The following TASOR variants were observed in gnomAD, a reference collection of about 807,000 sequenced individuals.
TASOR encodes protein TASOR.
TASOR carries 53 observed loss-of-function variants against 178.6 expected under a neutral mutation model. That is an observed-to-expected ratio of 0.30 (90% CI 0.24 to 0.37). The LOEUF (loss-of-function observed/expected upper bound fraction) is 0.37. TASOR is among the 10% of genes least tolerant of loss of function. The pLI is 1.00. For synonymous variants in TASOR, 713 were observed against 696.2 expected, an observed-to-expected ratio of 1.02 and a Z score of -0.38; for missense variants, 1,815 against 1,971.4, an observed-to-expected ratio of 0.92 and a Z score of 1.50.
Position 56,623,451 on chromosome 3 carries a change from G to C in TASOR, c.4599C>G (p.Thr1533=). 6.2e-7 allele frequency: 1 copy of C among 1,613,348 alleles called. No individual in the cohort carries two copies. The highest frequency in any genetic ancestry group is 1.1e-5 in the South Asian group (1 of 91,046). The change falls in exon 24 of 24, where the codon ACC becomes ACG. Residue 1533 remains threonine, a synonymous_variant. Transcript: ENST00000683822. ...TTTGATCTGTTCCACGTGATCCTTT[G>C]GTCTCTTTCTCCCATATTTCTGAAT... ...NFHSEIWEKE[T]KGSRGTDQKK...
In TASOR at chr3:56,620,294, T is replaced by C. The variant is rs6556; in HGVS notation, c.*2743A>G. On this transcript the variant is annotated 3_prime_UTR_variant, in exon 24 of 24. Coordinates refer to ENST00000683822, the MANE Select transcript of TASOR (RefSeq NM_001365635.2). ...CGTGTTGGCAGTGTTTGTTAGAACA[T>C]TGACGTACATCCCAAATAGTAATAA... 0.21 allele frequency: 32,778 copies of C among 156,880 alleles called. 4,486 individuals are homozygous for C. Among genetic ancestry groups the C allele is most frequent in the South Asian group, 0.39 (2,050 of 5,238 alleles). The allele number at this position is 156,880 out of a possible 1,614,324, so 9.7% of individuals were successfully genotyped here.
chr3:56,638,222 G>T (rs932496368), intron 17 of TASOR, among the ~76,000 whole-genome samples: 3 of 151,814 alleles, frequency 2.0e-5, no homozygotes, highest in Non-Finnish European at 4.4e-5. Context: ...AAAATAAGCT[G>T]GGCATGGTGG....
Position 56,647,026 on chromosome 3 carries a change from G to T in TASOR, c.1711C>A (p.Arg571=). 6.2e-7 allele frequency: 1 copy of T among 1,602,926 alleles called. No homozygotes were observed. The highest frequency in any genetic ancestry group is 1.1e-5 in the South Asian group (1 of 88,108). The part of the protein sequence containing the change: ...FFKRGFGSGK[R]EFIMFPYDSR... ...TCATATGGAAACATAATAAACTCTC[G>T]TTTACCTGAACCAAAACCTCGCTTA... The change falls in exon 14 of 24, where the codon CGA becomes AGA. Residue 571 remains arginine, a synonymous_variant. Coordinates refer to ENST00000683822, the MANE Select transcript of TASOR (RefSeq NM_001365635.2).
chr3:56,654,403 T>TGGGGG (rs1559838476), intron 11 of TASOR, among the ~76,000 whole-genome samples: 22 of 127,424 alleles, frequency 1.7e-4, no homozygotes, highest in South Asian at 7.8e-4. Context: ...TGGGCGGGGT[T>TGGGGG]GGGGGGTGGT....
chr3:56,634,380 G>A (rs556382738), intron 17 of TASOR, among the ~76,000 whole-genome samples: 1 of 152,162 alleles, frequency 6.6e-6, no homozygotes, highest in African/African-American at 2.4e-5. Flanking sequence ...TGGCCCCTTA[G>A]TAAGAATTCT....
intron 14 of TASOR, among the ~76,000 whole-genome samples, chr3:56,645,331 G>T (rs1002608565): frequency 6.6e-6 from 1 of 152,108 alleles, no homozygotes; most frequent in African/African-American, 2.4e-5. Flanking sequence ...TACAAATACA[G>T]ATTGCTAAGA....
rs149659395 is a variant in TASOR, at chr3:56,620,842, A to C, written c.*2195T>G. 1 of 152,512 alleles carries C rather than the reference A, an allele frequency of 6.6e-6. No homozygotes were observed. The highest frequency in any genetic ancestry group is 1.9e-4 in the East Asian group (1 of 5,188). 9.4% of individuals were successfully genotyped at this position (152,512 alleles called of 1,614,324 possible). ...TTCTGTTAGCATCTAAGGTAAGGTT[A>C]GGACAGTCAAGATAAAATACTGGAT... is the stretch of plus-strand genomic sequence containing the variant. On this transcript the variant is annotated 3_prime_UTR_variant, in exon 24 of 24. Transcript: ENST00000683822.
chr3:56,641,802 A>G (rs754637336), intron 14 of TASOR, 50 bp from the exon 15 acceptor site: 12 of 1,518,158 alleles, frequency 7.9e-6, no homozygotes, highest in Non-Finnish European at 1.1e-5. Context: ...AGCAAGCATA[A>G]AACTTTTAAA....
chr3:56,640,168 A>G (rs1227352541), intron 15 of TASOR, 38 bp from the exon 16 acceptor site: 1 of 1,557,976 alleles, frequency 6.4e-7, no homozygotes, highest in Non-Finnish European at 8.8e-7. Flanking sequence ...CTTTATTTCC[A>G]ATTCATTTTA....
chr3:56,624,366 T>TG, intron 23 of TASOR, 113 bp downstream of exon 23: 1 of 997,510 alleles, frequency 1.0e-6, no homozygotes, highest in Non-Finnish European at 1.5e-6. Flanking sequence ...TCCCTATGGC[T>TG]GTTTATACTG....
At chr3:56,636,694 C>CT (rs561909924) in intron 17 of TASOR, among the ~76,000 whole-genome samples, 24 of 151,468 alleles carry the variant, frequency 1.6e-4, no homozygotes, top group Non-Finnish European at 2.5e-4. Context: ...AGACACCGTG[C>CT]TTTTTTAAAA....
chr3:56,632,609 C>T (rs2076939344), intron 18 of TASOR, among the ~76,000 whole-genome samples: 1 of 152,124 alleles, frequency 6.6e-6, no homozygotes, highest in Admixed American at 6.5e-5. Flanking sequence ...CTTGGACTTA[C>T]CACTCTTTTA....
In TASOR at chr3:56,623,295, A is replaced by G; in HGVS notation, c.4755T>C (p.Asn1585=). 1.9e-6 allele frequency: 3 copies of G among 1,613,626 alleles called. No individual in the cohort carries two copies. Among genetic ancestry groups the G allele is most frequent in the Non-Finnish European group, 2.5e-6 (3 of 1,179,970 alleles). Residue 1585 remains asparagine, a synonymous_variant, in exon 24 of 24, where the codon AAT becomes AAC. Coordinates refer to ENST00000683822, the MANE Select transcript of TASOR (RefSeq NM_001365635.2). ...TACTATATGAATCTTGTTCTGTTGA[A>G]TTGCTGTTCTCTCCTTCAGAGCATA... The part of the protein sequence containing the change: ...DIVCSEGENS[N]STEQDSYSNF...
intron 17 of TASOR, 88 bp downstream of exon 17, chr3:56,638,618 C>A: frequency 1.5e-6 from 2 of 1,364,548 alleles, no homozygotes; most frequent in South Asian, 1.2e-5. Context: ...AAATTTAAGT[C>A]AATGCCCTAT....
chr3:56,665,458 G>A (rs1179673561), intron 7 of TASOR, among the ~76,000 whole-genome samples: 1 of 152,018 alleles, frequency 6.6e-6, no homozygotes, highest in Non-Finnish European at 1.5e-5. Context: ...CCAGGTTCAA[G>A]CGATTCTCTT....
At chr3:56,624,795 T>C (rs1354058121) in intron 22 of TASOR, 33 bp downstream of exon 22, 11 of 1,604,646 alleles carry the variant, frequency 6.9e-6, no homozygotes, top group Non-Finnish European at 9.4e-6. Flanking sequence ...ATTCCTATAT[T>C]CATAGTAGAA....
Position 56,666,325 on chromosome 3 carries a change from T to G in TASOR, c.957A>C (p.Pro319=). ...ELRRRPRHVC[P]YAVVSFTYKD... is the part of the protein sequence containing the mutation. Reference sequence around the variant, plus strand: ...TGTAAGTAAAAGACACAACTGCATATGGACAAACGTGTCTTGGTCTTCGCC... The same window carrying G: ...TGTAAGTAAAAGACACAACTGCATAGGGACAAACGTGTCTTGGTCTTCGCC... Residue 319 remains proline, a synonymous_variant, in exon 7 of 24, where the codon CCA becomes CCC. Coordinates refer to ENST00000683822, the MANE Select transcript of TASOR (RefSeq NM_001365635.2). 1 of 1,547,200 alleles carries G rather than the reference T, an allele frequency of 6.5e-7. No individual in the cohort carries two copies. The highest frequency in any genetic ancestry group is 8.7e-7 in the Non-Finnish European group (1 of 1,145,056).
At chr3:56,681,717 C>A (rs916646319) in intron 1 of TASOR, among the ~76,000 whole-genome samples, 1 of 152,080 alleles carries the variant, frequency 6.6e-6, no homozygotes, top group Non-Finnish European at 1.5e-5. Context: ...TCAGAATATC[C>A]AAAATTTACT....
chr3:56,672,968 G>C (rs955748107), intron 2 of TASOR, among the ~76,000 whole-genome samples: 15 of 152,168 alleles, frequency 9.9e-5, no homozygotes, highest in African/African-American at 3.6e-4. Flanking sequence ...TTACAGGCAT[G>C]TGCCACCACG....
Sources: gnomAD v4.1 joint callset for allele counts (sites outside exome capture counted in the v4.1 genomes callset) on GRCh38, gnomAD v4.1.1 for gene constraint, MANE v1.5 for transcripts, NCBI Gene and HGNC (gene_info 2026-07-23, HGNC 2026-07-21) for gene names.